The following SP140L variants were observed in gnomAD, a reference collection of about 807,000 sequenced individuals.
The protein encoded by SP140L is nuclear body protein SP140-like protein.
SP140L carries 64 observed loss-of-function variants against 84.3 expected under a neutral mutation model. That is an observed-to-expected ratio of 0.76 (90% CI 0.62 to 0.94). SP140L has a LOEUF of 0.94. Among genes scored for constraint, SP140L ranks in the 40% least tolerant of loss-of-function variants. The probability of loss-of-function intolerance (pLI) is 0.00; values close to 1 mark genes in which losing one functional copy is unlikely to be tolerated. For missense variants in SP140L, 628 were observed against 692.5 expected (o/e 0.91, Z 1.05); for synonymous variants, 242 against 236.9 (o/e 1.02, Z -0.20).
At chr2:230,361,587 T>C (rs1166053841) in intron 4 of SP140L, 27 bp from the exon 5 acceptor site, 2 of 1,532,852 alleles carry the variant, frequency 1.3e-6, no homozygotes, top group Admixed American at 2.0e-5. Context: ...GATCTTTAAT[T>C]GCTTTCTTCT....
intron 2 of SP140L, among the ~76,000 whole-genome samples, chr2:230,347,368 C>T (rs1387077262): frequency 6.6e-6 from 1 of 152,102 alleles, no homozygotes; most frequent in South Asian, 2.1e-4. Flanking sequence ...AGAGTAGAAC[C>T]ACTGGCTGTG....
At chr2:230,376,378 C>T (rs2061241217) in intron 7 of SP140L, among the ~76,000 whole-genome samples, 1 of 152,110 alleles carries the variant, frequency 6.6e-6, no homozygotes, top group African/African-American at 2.4e-5. Flanking sequence ...ACTGTTGGAA[C>T]TAATAAATGA....
chr2:230,393,954 TA>T (rs55741495), intron 13 of SP140L, among the ~76,000 whole-genome samples: 412 of 152,318 alleles, frequency 2.7e-3, no homozygotes, highest in Non-Finnish European at 4.0e-3. Context: ...AAATAGGTAA[TA>T]AAAATAATAT....
intron 5 of SP140L, among the ~76,000 whole-genome samples, chr2:230,362,772 C>A (rs145646260): frequency 6.6e-6 from 1 of 152,106 alleles, no homozygotes; most frequent in Non-Finnish European, 1.5e-5. Context: ...GAAGAACCCC[C>A]CTAGGCATTC....
intron 9 of SP140L, among the ~76,000 whole-genome samples, chr2:230,388,128 T>G (rs1260050075): frequency 1.3e-5 from 2 of 152,190 alleles, no homozygotes; most frequent in African/African-American, 2.4e-5. Context: ...AATATTTTAG[T>G]CTCTGTAATG....
At chr2:230,350,903 A>G (rs567727080) in intron 2 of SP140L, among the ~76,000 whole-genome samples, 2 of 152,330 alleles carry the variant, frequency 1.3e-5, no homozygotes, top group African/African-American at 2.4e-5. Flanking sequence ...GTCAATATCA[A>G]TTCCCTAAGG....
chr2:230,353,612 TTG>T (rs1370144828), intron 2 of SP140L, among the ~76,000 whole-genome samples: 1 of 152,104 alleles, frequency 6.6e-6, no homozygotes, highest in East Asian at 1.9e-4. Context: ...TCAATATATT[TTG>T]TGTCACTGCA....
At chr2:230,381,233 T>C in intron 7 of SP140L, among the ~76,000 whole-genome samples, 1 of 152,162 alleles carries the variant, frequency 6.6e-6, no homozygotes, top group Non-Finnish European at 1.5e-5. Flanking sequence ...CCTCTGGGGA[T>C]ATTAAGCAAA....
intron 2 of SP140L, among the ~76,000 whole-genome samples, 168 bp from the exon 3 acceptor site, chr2:230,357,637 C>A (rs2060587967): frequency 6.6e-6 from 1 of 152,158 alleles, no homozygotes; most frequent in Non-Finnish European, 1.5e-5. Context: ...TCTTCTATTA[C>A]ATTTTTGTTT....
chr2:230,372,445 G>C (rs11900191), intron 7 of SP140L: 30,219 of 152,234 alleles, frequency 0.2, 3,450 homozygotes, highest in South Asian at 0.43. Context: ...GAAAGAGTCG[G>C]CCGGGCGCGG....
chr2:230,357,530 A>T (rs747982344), intron 2 of SP140L, among the ~76,000 whole-genome samples: 1 of 152,092 alleles, frequency 6.6e-6, no homozygotes, highest in Non-Finnish European at 1.5e-5. Context: ...AATATTCCAG[A>T]TATGGTTAGG....
At chr2:230,358,923 A>T in intron 3 of SP140L, 41 bp from the exon 4 acceptor site, 1 of 1,495,382 alleles carries the variant, frequency 6.7e-7, no homozygotes, top group Non-Finnish European at 8.9e-7. Flanking sequence ...CTGTAACTTG[A>T]AAGTCTGTAT....
chr2:230,381,974 GAACAGTGCCTCCTCCT>G (rs1244749350), intron 7 of SP140L, among the ~76,000 whole-genome samples: 1 of 152,174 alleles, frequency 6.6e-6, no homozygotes, highest in Non-Finnish European at 1.5e-5. Flanking sequence ...GGGGGAAGGT[GAACAGTGCCTCCTCCT>G]ACATGGCTCC....
chr2:230,354,202 G>A (rs2060448596), intron 2 of SP140L, among the ~76,000 whole-genome samples: 1 of 151,898 alleles, frequency 6.6e-6, no homozygotes, highest in Non-Finnish European at 1.5e-5. Flanking sequence ...AATGTCTATT[G>A]ATCTGTGGTT....
intron 2 of SP140L, among the ~76,000 whole-genome samples, chr2:230,341,532 T>C (rs1211466214): frequency 2.1e-4 from 32 of 151,618 alleles, no homozygotes; most frequent in Non-Finnish European, 1.5e-5. Context: ...CTGTTGCTGG[T>C]GAGGAACTGT....
Position 230,392,160 on chromosome 2 carries a change from C to A in SP140L, c.1038C>A (p.Gly346=). 1 of 1,614,066 alleles carries A rather than the reference C, an allele frequency of 6.2e-7. No homozygotes were observed. Among genetic ancestry groups the A allele is most frequent in the Non-Finnish European group, 8.5e-7 (1 of 1,179,948 alleles). Residue 346 remains glycine (G), a synonymous_variant, in exon 12 of 19, where the codon GGC becomes GGA. Transcript: ENST00000415673. ...FTPMEFEIKG[G]YARSKNWRLS... ...CCATGGAATTTGAAATCAAAGGAGG[C>A]TACGCAAGATCAAAGAACTGGAGGC...
At position 230,359,249 on chromosome 2, in the gene SP140L, A is replaced by G. The variant is rs1057373156; in HGVS notation, c.439+117A>G. 3 of 872,346 alleles carry G rather than the reference A, an allele frequency of 3.4e-6. No homozygotes were observed. In the African/African-American group the frequency reaches 5.2e-5, roughly 15 times the overall value. 54.0% of individuals were successfully genotyped at this position (872,346 alleles called of 1,614,324 possible). ...GTTGGGCAGTGGGCATAGAGTAGTTAACAAAATAGACGTGTCATGAGTCTT... is the reference window on the plus strand; with the variant it reads ...GTTGGGCAGTGGGCATAGAGTAGTTGACAAAATAGACGTGTCATGAGTCTT... On this transcript the variant is annotated intron_variant, in intron 4 of 18. Transcript: ENST00000415673.
intron 5 of SP140L, among the ~76,000 whole-genome samples, chr2:230,366,737 T>TTATTATTAA (rs1313968171): frequency 2.0e-5 from 3 of 148,380 alleles, no homozygotes. Context: ...ATTATTATTA[T>TTATTATTAA]TATTATTATT....
Position 230,328,749 on chromosome 2 carries a change from C to CT in SP140L, c.33-3dup. 1 of 1,610,870 alleles carries CT rather than the reference C, an allele frequency of 6.2e-7. No homozygotes were observed. The highest frequency in any genetic ancestry group is 1.1e-5 in the South Asian group (1 of 90,450). The stretch of plus-strand genomic sequence containing the variant: ...TTGTTTATAGATCCTGCCAAATTGT[C>CT]TTTTTAGGGGGCTGAACGGAGGTGT... On this transcript the variant is annotated splice_polypyrimidine_tract_variant and splice_region_variant and intron_variant, in intron 1 of 18. Transcript: ENST00000415673.
Sources: allele counts gnomAD v4.1 joint callset (sites outside exome capture counted in the v4.1 genomes callset), GRCh38; gene constraint gnomAD v4.1.1; transcripts MANE v1.5; gene names NCBI Gene and HGNC (gene_info 2026-07-23, HGNC 2026-07-21).